Variants in ABCA13 observed in about 807,000 individuals in gnomAD.
The protein encoded by ABCA13 is ATP-binding cassette sub-family A member 13.
A neutral mutation model predicts 478.7 loss-of-function variants in ABCA13; 476 were observed. The ratio of observed to expected loss-of-function variants is 0.99; its 90% CI spans 0.92 to 1.07. ABCA13 has a LOEUF of 1.07. ABCA13 is among the 50% of genes least tolerant of loss of function. The probability of loss-of-function intolerance (pLI) is 0.00; values close to 1 mark genes in which losing one functional copy is unlikely to be tolerated. For synonymous variants in ABCA13, 2,252 were observed against 2,158.9 expected (o/e 1.04, Z -1.20); for missense variants, 6,060 against 5,910.6 (o/e 1.03, Z -0.83).
At chr7:48,594,834 T>C (rs1328585934) in intron 58 of ABCA13, 21 bp downstream of exon 58, 2 of 1,605,032 alleles carry the variant, frequency 1.2e-6, no homozygotes, top group East Asian at 2.2e-5. Flanking sequence ...GTTTCTCTTG[T>C]AGCCATTTCC....
intron 39 of ABCA13, among the ~76,000 whole-genome samples, chr7:48,406,828 G>A (rs550456586): frequency 2.0e-5 from 3 of 152,050 alleles, no homozygotes; most frequent in South Asian, 2.1e-4. Flanking sequence ...AGTTGAGATC[G>A]TGCCACTGCA....
chr7:48,484,145 G>A (rs1829060028), intron 47 of ABCA13, among the ~76,000 whole-genome samples: 1 of 152,194 alleles, frequency 6.6e-6, no homozygotes, highest in African/African-American at 2.4e-5. Flanking sequence ...GGTTTATTCA[G>A]TGAAATAAAA....
intron 47 of ABCA13, among the ~76,000 whole-genome samples, chr7:48,485,366 G>A (rs558470097): frequency 2.0e-5 from 3 of 151,968 alleles, no homozygotes; most frequent in African/African-American, 4.8e-5. Context: ...TTATCACTTC[G>A]TGACTTATGG....
chr7:48,184,674 G>T (rs1796128166), intron 1 of ABCA13, among the ~76,000 whole-genome samples: 1 of 152,028 alleles, frequency 6.6e-6, no homozygotes, highest in African/African-American at 2.4e-5. Context: ...ACAAAAATTA[G>T]CCAGGCATGG....
intron 41 of ABCA13, among the ~76,000 whole-genome samples, chr7:48,425,042 A>T (rs1002945810): frequency 6.6e-6 from 1 of 152,180 alleles, no homozygotes; most frequent in Non-Finnish European, 1.5e-5. Context: ...CAGAATTTTC[A>T]GACACATTGT....
chr7:48,418,069 A>C (rs1001642666), intron 41 of ABCA13, among the ~76,000 whole-genome samples: 6 of 152,146 alleles, frequency 3.9e-5, no homozygotes, highest in Admixed American at 3.9e-4. Flanking sequence ...ACCATAGTCT[A>C]TTTATCTATT....
rs201232654 is a variant in ABCA13 at position 48,230,736 on chromosome 7, A to AATCC, written c.763+790_763+793dup. Reference sequence around the variant, plus strand: ...CCATCTATCCATCTATTCATCCATTAATCCATCCATCCGTCCATCCATCCA... The same window carrying AATCC: ...CCATCTATCCATCTATTCATCCATTAATCCATCCATCCATCCGTCCATCCATCCA... On this transcript the variant is annotated intron_variant, in intron 7 of 61. Coordinates refer to ENST00000435803, the MANE Select transcript of ABCA13 (RefSeq NM_152701.5). Among the ~76,000 whole-genome samples, 1,494 of 149,656 alleles carry AATCC rather than the reference A, an allele frequency of 1.0e-2. 15 individuals are homozygous for AATCC. The highest frequency in any genetic ancestry group is 0.036 in the South Asian group (169 of 4,680).
At chr7:48,631,277 T>C (rs1210261890) in intron 59 of ABCA13, among the ~76,000 whole-genome samples, 13 of 152,132 alleles carry the variant, frequency 8.5e-5, no homozygotes, top group African/African-American at 7.2e-5. Context: ...CTTCTATGAT[T>C]TTTTTAGTTT....
chr7:48,367,944 T>C (rs780162927), intron 32 of ABCA13, 36 bp downstream of exon 32: 4 of 1,500,526 alleles, frequency 2.7e-6, no homozygotes, highest in South Asian at 2.4e-5. Flanking sequence ...GAGACAAAGA[T>C]AGGGAGGCTG....
chr7:48,640,015 C>T (rs370165134), intron 59 of ABCA13, among the ~76,000 whole-genome samples: 11 of 152,044 alleles, frequency 7.2e-5, no homozygotes, highest in South Asian at 6.2e-4. Context: ...ATTTCTTGTC[C>T]GGATAACATT....
intron 55 of ABCA13, among the ~76,000 whole-genome samples, chr7:48,556,841 T>G (rs1251713242): frequency 6.6e-6 from 1 of 152,036 alleles, no homozygotes; most frequent in East Asian, 1.9e-4. Flanking sequence ...TCCTGCTATG[T>G]TATTGTTTTC....
At chr7:48,405,068 T>G (rs1818085877) in intron 39 of ABCA13, among the ~76,000 whole-genome samples, 1 of 152,208 alleles carries the variant, frequency 6.6e-6, no homozygotes, top group Admixed American at 6.5e-5. Flanking sequence ...CAGGTCCCAG[T>G]GAGGCACTGA....
intron 35 of ABCA13, among the ~76,000 whole-genome samples, chr7:48,385,369 G>T (rs1815024607): frequency 6.6e-6 from 1 of 152,068 alleles, no homozygotes; most frequent in South Asian, 2.1e-4. Flanking sequence ...TCATCATTCA[G>T]CTCCCACTTA....
intron 58 of ABCA13, among the ~76,000 whole-genome samples, chr7:48,605,695 G>A (rs1390394986): frequency 1.3e-5 from 2 of 152,034 alleles, no homozygotes. Context: ...GTGTCTTGGG[G>A]TTGCTCTTCT....
At chr7:48,374,516 A>G in intron 34 of ABCA13, 100 bp downstream of exon 34, 1 of 1,081,742 alleles carries the variant, frequency 9.2e-7, no homozygotes, top group Non-Finnish European at 1.3e-6. Context: ...TTCATTATCA[A>G]GTAGAGCATT....
intron 31 of ABCA13, among the ~76,000 whole-genome samples, chr7:48,363,794 T>C (rs569507469): frequency 2.0e-4 from 31 of 152,258 alleles, no homozygotes; most frequent in African/African-American, 7.2e-4. Flanking sequence ...TTTTATATCT[T>C]TCTGCTACTT....
chr7:48,223,514 C>T (rs1787673115), intron 5 of ABCA13, among the ~76,000 whole-genome samples: 1 of 152,066 alleles, frequency 6.6e-6, no homozygotes, highest in African/African-American at 2.4e-5. Flanking sequence ...GGGGATGATC[C>T]ATTGTCTCAA....
chr7:48,315,902 A>G (rs1196420386), intron 26 of ABCA13, among the ~76,000 whole-genome samples: 2 of 152,210 alleles, frequency 1.3e-5, no homozygotes, highest in African/African-American at 4.8e-5. Flanking sequence ...AACAACCACA[A>G]CAATCATACC....
At chr7:48,440,612 A>G (rs1823453879) in intron 42 of ABCA13, among the ~76,000 whole-genome samples, 1 of 152,078 alleles carries the variant, frequency 6.6e-6, no homozygotes, top group Admixed American at 6.5e-5. Flanking sequence ...TTTATATGTA[A>G]GATCGAATTT....
Sources: allele counts gnomAD v4.1 joint callset (sites outside exome capture counted in the v4.1 genomes callset), GRCh38; gene constraint gnomAD v4.1.1; transcripts MANE v1.5; gene names NCBI Gene and HGNC (gene_info 2026-07-23, HGNC 2026-07-21).